CHPT1: variants seen among roughly 807,000 people sequenced by gnomAD.
CHPT1 encodes choline phosphotransferase 1.
Under a neutral mutation model 47.6 loss-of-function variants are expected in CHPT1, and 36 were observed. That is an observed-to-expected ratio of 0.76 (90% CI 0.58 to 1.00). The LOEUF (loss-of-function observed/expected upper bound fraction) is 1.00, where lower values mean the gene tolerates loss of function less well. Ranked by LOEUF, CHPT1 falls within the 50% of genes least tolerant of loss-of-function variation. CHPT1 has a pLI of 0.00. For synonymous variants in CHPT1, 194 were observed against 186.3 expected (o/e 1.04, Z -0.33); for missense variants, 458 against 498.1 (o/e 0.92, Z 0.77).
At chr12:101,722,590 C>T (rs975518594) in intron 5 of CHPT1, among the ~76,000 whole-genome samples, 2 of 151,454 alleles carry the variant, frequency 1.3e-5, no homozygotes, top group East Asian at 3.9e-4. Context: ...TGGTGGCTCT[C>T]GCCTGTAATC....
chr12:101,720,659 A>C (rs554756807), intron 5 of CHPT1, among the ~76,000 whole-genome samples: 37 of 152,338 alleles, frequency 2.4e-4, no homozygotes, highest in African/African-American at 8.9e-4. Flanking sequence ...AATTTTATTG[A>C]AATTTCACTG....
chr12:101,723,226 T>C lies in CHPT1; in HGVS notation c.839T>C (p.Met280Thr). The C allele has an allele frequency of 3.7e-6, 6 of 1,612,486 alleles. No individual in the cohort carries two copies. Among genetic ancestry groups the C allele is most frequent in the Non-Finnish European group, 5.1e-6 (6 of 1,178,614 alleles). ...HIGLIIILAI[M>T]IYKKSATDVF... ...GGACTAATTATTATACTGGCAATAA[T>C]GATCTATAAAAAGTCAGCAACTGAT... is the stretch of plus-strand genomic sequence containing the variant. Residue 280 changes from methionine to threonine, a missense_variant, in exon 6 of 9, where the codon ATG (methionine) becomes ACG (threonine). Met to Thr is a moderately conservative substitution (Grantham distance 81, BLOSUM62 -1). Coordinates refer to ENST00000229266, the MANE Select transcript of CHPT1 (RefSeq NM_020244.3).
intron 4 of CHPT1, chr12:101,719,567 T>C: frequency 8.1e-6 from 10 of 1,239,090 alleles, no homozygotes; most frequent in Non-Finnish European, 1.1e-5. Flanking sequence ...CACAGATGTT[T>C]TGCTTGCATA....
At chr12:101,716,273 T>C (rs1489238704) in intron 3 of CHPT1, among the ~76,000 whole-genome samples, 1 of 152,172 alleles carries the variant, frequency 6.6e-6, no homozygotes, top group Non-Finnish European at 1.5e-5. Flanking sequence ...AGTACCTCAA[T>C]AAAGAAGACT....
At chr12:101,715,154 A>G (rs1381114435) in intron 3 of CHPT1, 5 of 152,392 alleles carry the variant, frequency 3.3e-5, no homozygotes, top group Admixed American at 2.0e-4. Flanking sequence ...AGTGCTAAAC[A>G]TTAGATAGTA....
rs1951489268 is a variant in CHPT1, at chr12:101,698,005, C to T, written c.144C>T (p.Leu48=). ...CGCTGCTCGAGCCGCCGCTGCAGCT[C>T]TACTGGACCTGGCTGCTCCAGTGGA... ...GVSLLEPPLQ[L]YWTWLLQWIP... Residue 48 remains leucine (L), a synonymous_variant, in exon 1 of 9, where the codon CTC becomes CTT. Transcript: ENST00000229266. The T allele has an allele frequency of 6.4e-7, 1 of 1,573,976 alleles. No individual in the cohort carries two copies. The highest frequency in any genetic ancestry group is 1.1e-5 in the South Asian group (1 of 87,176).
At chr12:101,718,743 A>G (rs1298130401) in intron 4 of CHPT1, among the ~76,000 whole-genome samples, 1 of 152,102 alleles carries the variant, frequency 6.6e-6, no homozygotes, top group Admixed American at 6.6e-5. Context: ...AGGCTCCGAA[A>G]TAGACTTTGG....
chr12:101,712,170 C>T (rs1951708190), intron 1 of CHPT1, among the ~76,000 whole-genome samples: 1 of 148,144 alleles, frequency 6.8e-6, no homozygotes, highest in Admixed American at 6.9e-5. Context: ...TACAAGTGTA[C>T]ACCGCCGCAC....
rs933276315 is a variant in CHPT1 at position 101,723,835 on chromosome 12, A to G, written c.1053A>G (p.Leu351=). Residue 351 remains leucine (L), a synonymous_variant, in exon 7 of 9, where the codon CTA becomes CTG. Transcript: ENST00000229266. The part of the protein sequence containing the change: ...FNNFIDEYVV[L]WMAMVISSFD... ...ACTTTATAGACGAATATGTTGTTCT[A>G]TGGATGGCAATGGTAAGTATTTTTC... 14 of 1,511,452 alleles carry G rather than the reference A, an allele frequency of 9.3e-6. No individual in the cohort carries two copies. The highest frequency in any genetic ancestry group is 3.6e-5 in the Admixed American group (2 of 54,912). The allele number at this position is 1,511,452 out of a possible 1,614,324, so 93.6% of individuals were successfully genotyped here.
At chr12:101,716,384 C>T (rs1951763724) in intron 3 of CHPT1, among the ~76,000 whole-genome samples, 1 of 152,056 alleles carries the variant, frequency 6.6e-6, no homozygotes, top group Non-Finnish European at 1.5e-5. Context: ...CTTATGTACA[C>T]AAGTAGTGGG....
chr12:101,728,886 T>C lies in CHPT1; in HGVS notation c.1177-15T>C. On this transcript the variant is annotated splice_polypyrimidine_tract_variant and intron_variant, in intron 8 of 8. Transcript: ENST00000229266. ...TGCTTCTTAGCTAACGTTATAATTG[T>C]ATCATATTACTTAGGTTCAAGTTCT... The C allele has an allele frequency of 6.2e-7, 1 of 1,612,696 alleles. No individual in the cohort carries two copies. Among genetic ancestry groups the C allele is most frequent in the Middle Eastern group, 1.7e-4 (1 of 6,008 alleles).
chr12:101,700,925 C>T (rs981680582), intron 1 of CHPT1, among the ~76,000 whole-genome samples: 10 of 152,140 alleles, frequency 6.6e-5, no homozygotes, highest in African/African-American at 2.4e-4. Context: ...TTTTTTCAGA[C>T]TTGACAGATT....
At chr12:101,699,575 A>C (rs543949211) in intron 1 of CHPT1, among the ~76,000 whole-genome samples, 5 of 151,822 alleles carry the variant, frequency 3.3e-5, no homozygotes, top group African/African-American at 1.2e-4. Context: ...TTTAGTAGAG[A>C]CGGGGTTTCA....
Position 101,723,271 on chromosome 12 carries a change from G to A in CHPT1, c.884G>A (p.Cys295Tyr). The change falls in exon 6 of 9, where the codon TGT becomes TAT. Residue 295 changes from cysteine (C) to tyrosine (Y), a missense_variant. Transcript: ENST00000229266. Reference protein sequence around the residue: ...SATDVFEKHPCLYILMFGCVF... With the variant: ...SATDVFEKHPYLYILMFGCVF... ...ACTGATGTGTTTGAAAAGCATCCTT[G>A]TCTTTATATCCTAATGTTTGGATGT... 2 of 1,612,152 alleles carry A rather than the reference G, an allele frequency of 1.2e-6. No homozygotes were observed. Among genetic ancestry groups the A allele is most frequent in the South Asian group, 1.1e-5 (1 of 90,966 alleles).
At chr12:101,722,302 AT>A (rs1951862561) in intron 5 of CHPT1, among the ~76,000 whole-genome samples, 1 of 152,178 alleles carries the variant, frequency 6.6e-6, no homozygotes, top group Non-Finnish European at 1.5e-5. Context: ...CTGTAATTTT[AT>A]AGTAAGTTCT....
At chr12:101,706,453 G>A (rs147838255) in intron 1 of CHPT1, among the ~76,000 whole-genome samples, 12 of 152,040 alleles carry the variant, frequency 7.9e-5, no homozygotes, top group Admixed American at 1.3e-4. Flanking sequence ...ACATCACATC[G>A]ATCTAGAGCT....
At chr12:101,724,236 ATCTAG>A (rs983353623) in intron 7 of CHPT1, among the ~76,000 whole-genome samples, 1 of 150,690 alleles carries the variant, frequency 6.6e-6, no homozygotes, top group African/African-American at 2.4e-5. Context: ...AAAAAAAAAG[ATCTAG>A]TCTATACAAT....
intron 8 of CHPT1, chr12:101,728,236 T>TGAGA (rs1952018689): frequency 6.6e-6 from 1 of 152,050 alleles, no homozygotes; most frequent in Non-Finnish European, 1.5e-5. Flanking sequence ...GGTGACAGAG[T>TGAGA]GAGACTCCAT....
intron 1 of CHPT1, among the ~76,000 whole-genome samples, chr12:101,705,690 C>T (rs1951621121): frequency 9.0e-6 from 1 of 111,022 alleles, no homozygotes; most frequent in East Asian, 2.6e-4. Context: ...AGTCTAGAGT[C>T]TATGCCCCTA....
Sources: gnomAD v4.1 joint callset for allele counts (sites outside exome capture counted in the v4.1 genomes callset) on GRCh38, gnomAD v4.1.1 for gene constraint, MANE v1.5 for transcripts, NCBI Gene and HGNC (gene_info 2026-07-23, HGNC 2026-07-21) for gene names.